AGAP1: variants seen among roughly 807,000 people sequenced by gnomAD.
The protein encoded by AGAP1 is ArfGAP with GTPase domain, ankyrin repeat and PH domain 1.
A neutral mutation model predicts 105.3 loss-of-function variants in AGAP1; 29 were observed. The ratio of observed to expected loss-of-function variants is 0.28; its 90% CI spans 0.21 to 0.38. AGAP1 has a LOEUF of 0.38. Among genes scored for constraint, AGAP1 ranks in the 10% least tolerant of loss-of-function variants. AGAP1 has a pLI of 1.00. For synonymous variants in AGAP1, 509 were observed against 485.9 expected (o/e 1.05, Z -0.63); for missense variants, 998 against 1,165.1 (o/e 0.86, Z 2.09).
chr2:235,740,761 C>T lies in AGAP1; in HGVS notation c.311-202C>T, dbSNP rs997475138. Among the ~76,000 whole-genome samples the T allele has an allele frequency of 5.9e-5, 9 of 152,248 alleles. No individual in the cohort carries two copies. Among genetic ancestry groups the T allele is most frequent in the Admixed American group, 1.3e-4 (2 of 15,292 alleles). ...GGAAGCTGTGCCTTCCAACTGGAAA[C>T]GCACAGGGGTTCTTAAAGACAAACA... is the stretch of plus-strand genomic sequence containing the variant. On this transcript the variant is annotated intron_variant, in intron 3 of 17. Coordinates refer to ENST00000304032, the MANE Select transcript of AGAP1 (RefSeq NM_001037131.3). This position sits in a 1 kb window ranked among gnomAD's most constrained non-coding sequence, Gnocchi z 5.7.
chr2:236,037,588 T>C (rs2057420979), intron 14 of AGAP1, among the ~76,000 whole-genome samples: 1 of 152,108 alleles, frequency 6.6e-6, no homozygotes, highest in Admixed American at 6.6e-5. Context: ...ATATATTATT[T>C]GTGGAGGTGG....
chr2:235,532,500 C>A (rs1264544324), intron 1 of AGAP1, among the ~76,000 whole-genome samples: 2 of 152,238 alleles, frequency 1.3e-5, no homozygotes, highest in Non-Finnish European at 2.9e-5. Flanking sequence ...GCCACTGCAC[C>A]TGCCCTACCT....
At chr2:235,870,814 C>T (rs944170362) in intron 9 of AGAP1, among the ~76,000 whole-genome samples, 1 of 152,160 alleles carries the variant, frequency 6.6e-6, no homozygotes, top group African/African-American at 2.4e-5. Flanking sequence ...AAGAACTGAC[C>T]CATGTTTGCT....
chr2:235,828,349 G>A (rs1959169592), intron 9 of AGAP1, among the ~76,000 whole-genome samples: 1 of 152,128 alleles, frequency 6.6e-6, no homozygotes, highest in African/African-American at 2.4e-5. Context: ...AAATATTTAT[G>A]TAATGAAAAA....
intron 13 of AGAP1, among the ~76,000 whole-genome samples, chr2:236,033,987 T>A (rs960852219): frequency 6.6e-5 from 10 of 152,344 alleles, no homozygotes; most frequent in African/African-American, 2.2e-4. Context: ...GTCGAGTTGA[T>A]CTCATAATGA....
chr2:235,878,594 G>A (rs934492892), intron 9 of AGAP1, among the ~76,000 whole-genome samples: 1 of 152,154 alleles, frequency 6.6e-6, no homozygotes, highest in Non-Finnish European at 1.5e-5. Flanking sequence ...CAGGGTTGAG[G>A]CCTTCTCAGG....
Position 235,888,772 on chromosome 2 carries a change from A to G in AGAP1, c.1155+5323A>G, listed in dbSNP as rs1334926609. 2.0e-5 allele frequency among the ~76,000 whole-genome samples: 3 copies of G among 150,500 alleles called. No individual in the cohort carries two copies. Among genetic ancestry groups the G allele is most frequent in the African/African-American group, 7.3e-5 (3 of 40,928 alleles). On this transcript the variant is annotated intron_variant, in intron 10 of 17. Transcript: ENST00000304032. The surrounding 1 kb of genome is among the most constrained non-coding windows in gnomAD (Gnocchi z 4.8). ...TTGCTGTCGGGTAGAGCGGCCACCCACTGCCCCAGCCTTCCCTGTGGCCAC... is the reference window on the plus strand; with the variant it reads ...TTGCTGTCGGGTAGAGCGGCCACCCGCTGCCCCAGCCTTCCCTGTGGCCAC...
At chr2:236,102,545 G>A (rs1576310172) in intron 16 of AGAP1, among the ~76,000 whole-genome samples, 2 of 150,826 alleles carry the variant, frequency 1.3e-5, no homozygotes, top group South Asian at 2.1e-4. Flanking sequence ...CTGAGATCGC[G>A]TCATTGCACT....
rs781731271 is a variant in AGAP1 at position 235,963,854 on chromosome 2, G to A, written c.1484-4608G>A. Among the ~76,000 whole-genome samples the A allele has an allele frequency of 1.4e-4, 22 of 152,192 alleles. No individual in the cohort carries two copies. Among genetic ancestry groups the A allele is most frequent in the Non-Finnish European group, 2.2e-4 (15 of 68,042 alleles). On this transcript the variant is annotated intron_variant, in intron 12 of 17. Transcript: ENST00000304032. The surrounding 1 kb of genome is among the most constrained non-coding windows in gnomAD (Gnocchi z 5.1). ...GTGGTGGCCTGGAATAGAGAGCCTAGCGGTAGACCTACCACGCCCCTGTGG... is the reference window on the plus strand; with the variant it reads ...GTGGTGGCCTGGAATAGAGAGCCTAACGGTAGACCTACCACGCCCCTGTGG...
chr2:235,861,976 G>A (rs914623382), intron 9 of AGAP1, among the ~76,000 whole-genome samples: 8 of 152,194 alleles, frequency 5.3e-5, no homozygotes, highest in African/African-American at 1.7e-4. Context: ...GTTCCTGAGT[G>A]TCCTGGGCAC....
intron 11 of AGAP1, among the ~76,000 whole-genome samples, chr2:235,911,358 G>A (rs983210781): frequency 1.3e-5 from 2 of 152,106 alleles, no homozygotes; most frequent in Non-Finnish European, 2.9e-5. Flanking sequence ...TGATGCTGCG[G>A]TCGGCTCCCC....
chr2:235,809,956 A>G (rs1958044336), intron 9 of AGAP1, among the ~76,000 whole-genome samples: 2 of 152,150 alleles, frequency 1.3e-5, no homozygotes, highest in Admixed American at 6.5e-5. Context: ...TGTTCTCCTT[A>G]TTTTAAACAC....
In AGAP1 at chr2:235,957,205, A is replaced by G. The variant is rs971510057; in HGVS notation, c.1484-11257A>G. Among the ~76,000 whole-genome samples the G allele has an allele frequency of 2.0e-5, 3 of 152,194 alleles. No homozygotes were observed. The highest frequency in any genetic ancestry group is 4.8e-5 in the African/African-American group (2 of 41,452). On this transcript the variant is annotated intron_variant, in intron 12 of 17. Transcript: ENST00000304032. The surrounding 1 kb of genome is among the most constrained non-coding windows in gnomAD (Gnocchi z 4.6). Reference sequence around the variant, plus strand: ...TTGTAAGGCTTTATAAACATATTTCAGTAATCAAGGTCCTCATCTCAATGG... The same window carrying G: ...TTGTAAGGCTTTATAAACATATTTCGGTAATCAAGGTCCTCATCTCAATGG...
chr2:236,036,329 G>A lies in AGAP1; in HGVS notation c.1646-232G>A, dbSNP rs1439849523. ...ACTCGTTGATTTCATCTGGCCTTGT[G>A]CCCTGAGCCTTGATTGAAACCTGGC... On this transcript the variant is annotated intron_variant, in intron 13 of 17. Transcript: ENST00000304032. This position sits in a 1 kb window ranked among gnomAD's most constrained non-coding sequence, Gnocchi z 5.7. 1.3e-5 allele frequency among the ~76,000 whole-genome samples: 2 copies of A among 152,188 alleles called. No homozygotes were observed. The highest frequency in any genetic ancestry group is 2.9e-5 in the Non-Finnish European group (2 of 68,030).
chr2:235,653,135 TAC>T (rs1947651664), intron 1 of AGAP1, among the ~76,000 whole-genome samples: 1 of 152,052 alleles, frequency 6.6e-6, no homozygotes, highest in African/African-American at 2.4e-5. Flanking sequence ...GAGGAAATCA[TAC>T]CCTACAGCAG....
intron 16 of AGAP1, among the ~76,000 whole-genome samples, chr2:236,098,620 C>CCTTTTTTTTTTTTTTTTTTTTTT (rs2059253301): frequency 1.7e-5 from 2 of 115,256 alleles, no homozygotes; most frequent in East Asian, 5.1e-4. Context: ...TCTTTTTTTC[C>CCTTTTTTTTTTTTTTTTTTTTTT]TTTTTTTTTT....
chr2:236,094,422 G>A (rs1418970568), intron 16 of AGAP1, among the ~76,000 whole-genome samples: 2 of 151,222 alleles, frequency 1.3e-5, no homozygotes, highest in African/African-American at 4.9e-5. Flanking sequence ...CTCAATCACG[G>A]CCCACTGCAA....
At position 235,601,240 on chromosome 2, in the gene AGAP1, A is replaced by G. The variant is rs375836322; in HGVS notation, c.163+106391A>G. ...TGGGGCCCCTCTTTCTGGCTTGCAG[A>G]TAGTTCCTCCTTACTGTGTCCTCTC... On this transcript the variant is annotated intron_variant, in intron 1 of 17. Transcript: ENST00000304032. The surrounding 1 kb of genome is among the most constrained non-coding windows in gnomAD (Gnocchi z 4.4). Among the ~76,000 whole-genome samples, 1 of 152,130 alleles carries G rather than the reference A, an allele frequency of 6.6e-6. No individual in the cohort carries two copies. The highest frequency in any genetic ancestry group is 1.9e-4 in the East Asian group (1 of 5,178).
intron 9 of AGAP1, among the ~76,000 whole-genome samples, chr2:235,862,603 A>G (rs1408498574): frequency 6.6e-6 from 1 of 152,256 alleles, no homozygotes; most frequent in Non-Finnish European, 1.5e-5. Context: ...CCTTTTAGCC[A>G]TTCTTGGTTT....
Sources: allele counts gnomAD v4.1 joint callset (sites outside exome capture counted in the v4.1 genomes callset), GRCh38; gene constraint gnomAD v4.1.1; non-coding constraint Gnocchi (gnomAD v3.1); transcripts MANE v1.5; gene names NCBI Gene and HGNC (gene_info 2026-07-23, HGNC 2026-07-21).